Variants in PARP12 observed in about 807,000 individuals in gnomAD.
The protein encoded by PARP12 is protein mono-ADP-ribosyltransferase PARP12.
Under a neutral mutation model 72.4 loss-of-function variants are expected in PARP12, and 59 were observed. The ratio of observed to expected loss-of-function variants is 0.81; its 90% CI spans 0.66 to 1.01. The LOEUF is 1.01. Among genes scored for constraint, PARP12 ranks in the 50% least tolerant of loss-of-function variants. The pLI is 0.00. For synonymous variants in PARP12, 403 were observed against 371.4 expected, an observed-to-expected ratio of 1.09 and a Z score of -0.98; for missense variants, 851 against 914.0, an observed-to-expected ratio of 0.93 and a Z score of 0.89.
chr7:140,062,728 C>T lies in PARP12; in HGVS notation c.120G>A (p.Glu40=). 4.4e-6 allele frequency: 6 copies of T among 1,361,734 alleles called. No individual in the cohort carries two copies. Among genetic ancestry groups the T allele is most frequent in the Non-Finnish European group, 5.7e-6 (6 of 1,050,586 alleles). The allele number at this position is 1,361,734 out of a possible 1,614,324, so 84.4% of individuals were successfully genotyped here. ...AGCGCCCACGCTGCCGCAGCAGCCGCTCCAGCGCGTCGGCGCTCAAGCCCA... is the reference window on the plus strand; with the variant it reads ...AGCGCCCACGCTGCCGCAGCAGCCGTTCCAGCGCGTCGGCGCTCAAGCCCA... The part of the protein sequence containing the change: ...LRMGLSADAL[E]RLLRQRGRFV... The change falls in exon 1 of 12, where the codon GAG becomes GAA. Residue 40 remains glutamate, a synonymous_variant. Coordinates refer to ENST00000263549, the MANE Select transcript of PARP12 (RefSeq NM_022750.4).
chr7:140,062,408 G>T, intron 1 of PARP12, 114 bp downstream of exon 1: 1 of 1,107,302 alleles, frequency 9.0e-7, no homozygotes, highest in Non-Finnish European at 1.2e-6. Context: ...GCGAGGTCAG[G>T]GCAGAGCCAC....
rs373001632 is a variant in PARP12, at chr7:140,037,786, G to C, written c.1253C>G (p.Pro418Arg). 6.2e-7 allele frequency: 1 copy of C among 1,614,192 alleles called. No individual in the cohort carries two copies. The highest frequency in any genetic ancestry group is 1.7e-5 in the Admixed American group (1 of 60,028). Reference protein sequence around the residue: ...VEKAYLAYCTPGSDGQAATLK... With the variant: ...VEKAYLAYCTRGSDGQAATLK... Reference sequence around the variant, plus strand: ...GGTGGCTGCCTGGCCGTCAGACCCCGGTGTACAGTAGGCCAGGTAGGCCTT... The same window carrying C: ...GGTGGCTGCCTGGCCGTCAGACCCCCGTGTACAGTAGGCCAGGTAGGCCTT... Residue 418 changes from proline (P) to arginine (R), a missense_variant, in exon 7 of 12, where the codon CCG becomes CGG. This residue lies in a region of PARP12 where 347 missense variants were observed against 396.1 expected (regional missense o/e 0.88). Transcript: ENST00000263549.
At position 140,023,894 on chromosome 7, in the gene PARP12, G is replaced by A. The variant is rs1815623628; in HGVS notation, c.*666C>T. 1 of 158,106 alleles carries A rather than the reference G, an allele frequency of 6.3e-6. No individual in the cohort carries two copies. The highest frequency in any genetic ancestry group is 1.8e-4 in the South Asian group (1 of 5,510). The allele number at this position is 158,106 out of a possible 1,614,324, so 9.8% of individuals were successfully genotyped here. A position where few individuals can be genotyped will look rare whatever the true frequency, so the allele number is the denominator to read the frequency against. On this transcript the variant is annotated 3_prime_UTR_variant, in exon 12 of 12. Transcript: ENST00000263549. ...GTTTGCGCAATCACAGGCCAAGCCT[G>A]GGGGTCCTCGGGGAAGCTACTCCTC...
chr7:140,046,868 G>A lies in PARP12; in HGVS notation c.986+16C>T, dbSNP rs568642091. 6.2e-7 allele frequency: 1 copy of A among 1,608,700 alleles called. No homozygotes were observed. The highest frequency in any genetic ancestry group is 1.3e-5 in the African/African-American group (1 of 74,550). On this transcript the variant is annotated intron_variant, in intron 5 of 11. Transcript: ENST00000263549. ...AAGCCCAGGCACAAAGCAGAGACAA[G>A]GGACATATTTCCTACCTTTCTATTT...
Position 140,057,068 on chromosome 7 carries a change from T to C in PARP12, c.548A>G (p.Tyr183Cys), listed in dbSNP as rs534434555. ...KQCIKLHICQ[Y>C]FLQGECKFGT... is the part of the protein sequence containing the mutation. ...AAACTTGCATTCCCCCTGTAAAAAA[T>C]ACTGGCAGATATGGAGCTTGATGCA... The change falls in exon 3 of 12, where the codon TAT becomes TGT. Residue 183 changes from tyrosine to cysteine, a missense_variant. Transcript: ENST00000263549. 6.1e-5 allele frequency: 99 copies of C among 1,614,186 alleles called. No homozygotes were observed. In the South Asian group the frequency reaches 6.1e-4, roughly 10 times the overall value.
chr7:140,036,984 T>A (rs1335322439), intron 7 of PARP12, among the ~76,000 whole-genome samples: 1 of 152,148 alleles, frequency 6.6e-6, no homozygotes, highest in East Asian at 1.9e-4. Context: ...TTACTCTGTG[T>A]CCTACCATCC....
intron 4 of PARP12, among the ~76,000 whole-genome samples, chr7:140,054,377 C>T (rs931525271): frequency 6.6e-6 from 1 of 152,210 alleles, no homozygotes; most frequent in Admixed American, 6.5e-5. Flanking sequence ...GGTCTGTGAC[C>T]TCATGCTAAG....
intron 4 of PARP12, among the ~76,000 whole-genome samples, chr7:140,047,583 C>T (rs1243050100): frequency 6.6e-6 from 1 of 152,148 alleles, no homozygotes; most frequent in Non-Finnish European, 1.5e-5. Flanking sequence ...TGGACTAAGA[C>T]ATACATCTTC....
At chr7:140,044,979 C>G (rs949854221) in intron 5 of PARP12, among the ~76,000 whole-genome samples, 2 of 151,674 alleles carry the variant, frequency 1.3e-5, no homozygotes, top group Non-Finnish European at 2.9e-5. Flanking sequence ...GAATTTCTAA[C>G]CTCTAGGATT....
In PARP12 at chr7:140,057,023, G is replaced by A. The variant is rs750257181; in HGVS notation, c.593C>T (p.Ser198Phe). The A allele has an allele frequency of 3.7e-6, 6 of 1,614,188 alleles. No individual in the cohort carries two copies. Among genetic ancestry groups the A allele is most frequent in the Non-Finnish European group, 5.1e-6 (6 of 1,180,032 alleles). Residue 198 changes from serine (S) to phenylalanine (F), a missense_variant, in exon 3 of 12, where the codon TCC becomes TTC. Around this residue, in one of 3 missense-constraint regions of PARP12, gnomAD observed 492 missense variants for 489.3 expected, o/e 1.01. Coordinates refer to ENST00000263549, the MANE Select transcript of PARP12 (RefSeq NM_022750.4). ...ECKFGTSCKR[S>F]HDFSNSENLE... ...ATTCTCAGAATTAGAGAAATCATGG[G>A]ATCTCTTACAGCTAGTGCCAAACTT...
intron 2 of PARP12, 52 bp downstream of exon 2, chr7:140,057,847 C>G (rs536589382): frequency 1.3e-4 from 202 of 1,607,308 alleles, no homozygotes; most frequent in Non-Finnish European, 1.6e-4. Flanking sequence ...TTTCCCAAGA[C>G]ACAGGAATGT....
chr7:140,044,368 T>C (rs967016763), intron 5 of PARP12, among the ~76,000 whole-genome samples: 1 of 152,224 alleles, frequency 6.6e-6, no homozygotes, highest in Non-Finnish European at 1.5e-5. Flanking sequence ...GATGTCCTTT[T>C]AAGACGAGGG....
Position 140,040,912 on chromosome 7 carries a change from C to T in PARP12, c.1182+732G>A, listed in dbSNP as rs138513593. 5.7e-3 allele frequency among the ~76,000 whole-genome samples: 861 copies of T among 152,284 alleles called. 2 individuals carry two copies. The highest frequency in any genetic ancestry group is 8.1e-3 in the Admixed American group (124 of 15,306). ...TCTCCCGAGTAGCTGGGACCACAGG[C>T]ATACGCCACCACACCTGGCCAATTT... On this transcript the variant is annotated intron_variant, in intron 6 of 11. Transcript: ENST00000263549.
At chr7:140,060,142 A>G (rs1358966504) in intron 1 of PARP12, among the ~76,000 whole-genome samples, 2 of 152,204 alleles carry the variant, frequency 1.3e-5, no homozygotes, top group Non-Finnish European at 2.9e-5. Context: ...GAGGGTAGTA[A>G]TATCATTAAC....
intron 7 of PARP12, among the ~76,000 whole-genome samples, chr7:140,035,938 G>C (rs765613226): frequency 0.011 from 1,125 of 101,898 alleles, 98 homozygotes; most frequent in Middle Eastern, 0.02. Flanking sequence ...AGGAGGAGGA[G>C]GAGGAGGAGG....
intron 6 of PARP12, among the ~76,000 whole-genome samples, chr7:140,040,119 G>A (rs772388505): frequency 9.2e-5 from 14 of 152,122 alleles, no homozygotes; most frequent in African/African-American, 1.2e-4. Flanking sequence ...CAGAATGAAC[G>A]TGATGGTCAC....
intron 3 of PARP12, 64 bp downstream of exon 3, chr7:140,056,792 G>A (rs556663519): frequency 2.1e-4 from 307 of 1,462,646 alleles, no homozygotes; most frequent in Non-Finnish European, 2.5e-4. Flanking sequence ...GCTGGAATCC[G>A]GGAACCCCCA....
At chr7:140,057,308 GGCT>G in intron 2 of PARP12, 155 bp from the exon 3 acceptor site, 2 of 741,644 alleles carry the variant, frequency 2.7e-6, no homozygotes, top group South Asian at 3.7e-5. Context: ...TCTAGATGAC[GGCT>G]GCTAACAAAT....
At chr7:140,036,175 G>A (rs1816189819) in intron 7 of PARP12, among the ~76,000 whole-genome samples, 1 of 152,218 alleles carries the variant, frequency 6.6e-6, no homozygotes, top group Non-Finnish European at 1.5e-5. Flanking sequence ...CCTATTATGA[G>A]GTTCTGTTAT....
Sources: gnomAD v4.1 joint callset for allele counts (sites outside exome capture counted in the v4.1 genomes callset) on GRCh38, gnomAD v4.1.1 for gene constraint, gnomAD v4.1.1 regional missense constraint, MANE v1.5 for transcripts, NCBI Gene and HGNC (gene_info 2026-07-23, HGNC 2026-07-21) for gene names.